DSCAM: variants seen among roughly 807,000 people sequenced by gnomAD.
The protein encoded by DSCAM is cell adhesion molecule DSCAM.
DSCAM carries 47 observed loss-of-function variants against 217.7 expected under a neutral mutation model. That is an observed-to-expected ratio of 0.22 (90% CI 0.17 to 0.28). The LOEUF (loss-of-function observed/expected upper bound fraction) is 0.28. DSCAM is among the 10% of genes least tolerant of loss of function. The pLI, the probability that DSCAM is intolerant of heterozygous loss-of-function variation, is 1.00. For missense variants in DSCAM, 2,080 were observed against 2,618.3 expected (o/e 0.79, Z 4.49); for synonymous variants, 1,056 against 1,015.3 (o/e 1.04, Z -0.76).
intron 3 of DSCAM, among the ~76,000 whole-genome samples, chr21:40,426,693 C>A (rs548213119): frequency 6.6e-6 from 1 of 152,128 alleles, no homozygotes; most frequent in Non-Finnish European, 1.5e-5. Context: ...ACTCAAAGGG[C>A]TGGAGCCTAG....
At chr21:40,127,687 A>C (rs2090110063) in intron 19 of DSCAM, among the ~76,000 whole-genome samples, 1 of 152,110 alleles carries the variant, frequency 6.6e-6, no homozygotes, top group Non-Finnish European at 1.5e-5. Flanking sequence ...CTTCTATCCA[A>C]ACCTGTGCTT....
chr21:40,622,951 C>G (rs570878551), intron 3 of DSCAM, among the ~76,000 whole-genome samples: 1 of 151,980 alleles, frequency 6.6e-6, no homozygotes, highest in African/African-American at 2.4e-5. Flanking sequence ...ACAAACATCA[C>G]ATTAGTTACC....
intron 3 of DSCAM, among the ~76,000 whole-genome samples, chr21:40,662,242 G>A (rs2090146519): frequency 7.3e-6 from 1 of 136,628 alleles, no homozygotes. Context: ...AATATTGAAA[G>A]GTCTAATCCT....
chr21:40,428,218 C>T (rs1192846931), intron 3 of DSCAM, among the ~76,000 whole-genome samples: 1 of 148,032 alleles, frequency 6.8e-6, no homozygotes, highest in Admixed American at 6.8e-5. Flanking sequence ...ACTGTGTGAC[C>T]ATGAGGGCAA....
chr21:40,339,446 G>A, intron 6 of DSCAM, 31 bp from the exon 7 acceptor site: 1 of 1,553,030 alleles, frequency 6.4e-7, no homozygotes, highest in Non-Finnish European at 8.7e-7. Context: ...GAAGAAAGTG[G>A]CACATACAAA....
chr21:40,562,919 G>A (rs1029286725), intron 3 of DSCAM, among the ~76,000 whole-genome samples: 5 of 152,150 alleles, frequency 3.3e-5, no homozygotes, highest in African/African-American at 9.7e-5. Context: ...AAAAGTCAAC[G>A]GCTAGGAGAG....
In DSCAM at chr21:40,118,342, T is replaced by C. The variant is rs369223881; in HGVS notation, c.3696+5853A>G. On this transcript the variant is annotated intron_variant, in intron 20 of 32. Transcript: ENST00000400454. ...GGAAGGAGATTAAGAAGACATTGCATTGGGAGGCCGAGGCAGGCCGATCAC... is the reference window on the plus strand; with the variant it reads ...GGAAGGAGATTAAGAAGACATTGCACTGGGAGGCCGAGGCAGGCCGATCAC... Among the ~76,000 whole-genome samples the C allele has an allele frequency of 3.4e-4, 51 of 152,216 alleles. No homozygotes were observed. The East Asian group carries it at 4.1e-3, about 12-fold the overall frequency.
At chr21:40,257,950 C>G (rs1455704572) in intron 11 of DSCAM, among the ~76,000 whole-genome samples, 1 of 152,148 alleles carries the variant, frequency 6.6e-6, no homozygotes, top group Non-Finnish European at 1.5e-5. Flanking sequence ...GCTGCATTAT[C>G]AATGGGGTTT....
chr21:40,808,741 C>T lies in DSCAM; in HGVS notation c.43+37878G>A, dbSNP rs117660338. On this transcript the variant is annotated intron_variant, in intron 1 of 32. Coordinates refer to ENST00000400454, the MANE Select transcript of DSCAM (RefSeq NM_001389.5). Reference sequence around the variant, plus strand: ...CCTCCCACCTTGCCCTCCTAAAGTGCTGTGATTACAGGCATGTGCCACCAT... The same window carrying T: ...CCTCCCACCTTGCCCTCCTAAAGTGTTGTGATTACAGGCATGTGCCACCAT... Among the ~76,000 whole-genome samples the T allele has an allele frequency of 1.9e-4, 29 of 152,256 alleles. No individual in the cohort carries two copies. In the East Asian group the frequency reaches 4.1e-3, roughly 21 times the overall value.
At chr21:40,274,142 AG>A (rs991794986) in intron 11 of DSCAM, among the ~76,000 whole-genome samples, 1 of 152,182 alleles carries the variant, frequency 6.6e-6, no homozygotes, top group African/African-American at 2.4e-5. Context: ...AAGCTCCTAG[AG>A]GGCAGGGGCC....
intron 1 of DSCAM, among the ~76,000 whole-genome samples, chr21:40,711,059 C>T (rs1175925974): frequency 6.6e-6 from 1 of 150,702 alleles, no homozygotes; most frequent in Non-Finnish European, 1.5e-5. Context: ...TGAGCAAGAA[C>T]GCAGGGCTAG....
At chr21:40,312,901 C>A (rs981462791) in intron 8 of DSCAM, among the ~76,000 whole-genome samples, 1 of 152,092 alleles carries the variant, frequency 6.6e-6, no homozygotes, top group Non-Finnish European at 1.5e-5. Context: ...ACACTTGAGG[C>A]CAGGAGTTCA....
chr21:40,385,563 A>G (rs1396069621), intron 3 of DSCAM, among the ~76,000 whole-genome samples: 3 of 152,326 alleles, frequency 2.0e-5, no homozygotes, highest in East Asian at 1.9e-4. Context: ...ACCTAGAAAT[A>G]TATGTATTGC....
intron 3 of DSCAM, among the ~76,000 whole-genome samples, chr21:40,558,317 G>A (rs901690662): frequency 5.0e-4 from 76 of 152,052 alleles, no homozygotes; most frequent in Admixed American, 3.8e-3. Context: ...GCATGGCGGC[G>A]GGCACCTGTA....
chr21:40,504,676 G>A (rs1490599734), intron 3 of DSCAM, among the ~76,000 whole-genome samples: 6 of 152,040 alleles, frequency 3.9e-5, no homozygotes, highest in Non-Finnish European at 8.8e-5. Flanking sequence ...CAACTTCTGG[G>A]GCCGCTATCC....
chr21:40,031,794 C>T (rs1169467196), intron 32 of DSCAM, among the ~76,000 whole-genome samples: 1 of 152,186 alleles, frequency 6.6e-6, no homozygotes, highest in Non-Finnish European at 1.5e-5. Context: ...CCTAAGGCAT[C>T]CTGTATCCCA....
chr21:40,485,365 C>T (rs2076018027), intron 3 of DSCAM, among the ~76,000 whole-genome samples: 1 of 151,890 alleles, frequency 6.6e-6, no homozygotes, highest in African/African-American at 2.4e-5. Context: ...GCCTCAGCCT[C>T]CCGAGTAGCT....
intron 3 of DSCAM, among the ~76,000 whole-genome samples, chr21:40,381,054 C>A (rs954238683): frequency 8.7e-6 from 1 of 114,312 alleles, no homozygotes; most frequent in African/African-American, 3.6e-5. Flanking sequence ...CAGAGCGAGA[C>A]TCCGTCTCAA....
intron 11 of DSCAM, among the ~76,000 whole-genome samples, chr21:40,267,739 T>C (rs891034750): frequency 5.3e-5 from 8 of 151,918 alleles, no homozygotes; most frequent in Non-Finnish European, 1.0e-4. Flanking sequence ...TCTACTAAAA[T>C]ATAAAACTTA....
Sources: gnomAD v4.1 joint callset for allele counts (sites outside exome capture counted in the v4.1 genomes callset) on GRCh38, gnomAD v4.1.1 for gene constraint, MANE v1.5 for transcripts, NCBI Gene and HGNC (gene_info 2026-07-23, HGNC 2026-07-21) for gene names.